Variants in PARD3B observed in about 807,000 individuals in gnomAD.
PARD3B encodes the protein partitioning defective 3 homolog B.
In PARD3B, 103 loss-of-function variants were observed where a neutral mutation model predicts 130.2. The observed-to-expected ratio is 0.79, with a 90% CI of 0.67 to 0.93. PARD3B has a LOEUF of 0.93. Ranked by LOEUF, PARD3B falls within the 40% of genes least tolerant of loss-of-function variation. The pLI is 0.00. For missense variants in PARD3B, 1,609 were observed against 1,499.2 expected (o/e 1.07, Z -1.21); for synonymous variants, 583 against 553.2 (o/e 1.05, Z -0.76).
intron 1 of PARD3B, among the ~76,000 whole-genome samples, chr2:204,599,305 T>G (rs2033417323): frequency 6.6e-6 from 1 of 152,060 alleles, no homozygotes; most frequent in East Asian, 1.9e-4. Flanking sequence ...TAGCTATTAT[T>G]TTGCATCCCT....
At chr2:205,508,454 C>G (rs1247766602) in intron 21 of PARD3B, among the ~76,000 whole-genome samples, 1 of 151,976 alleles carries the variant, frequency 6.6e-6, no homozygotes, top group Non-Finnish European at 1.5e-5. Context: ...CATCTGTGGT[C>G]CCAGCTACAT....
At chr2:204,771,075 A>T (rs1461862258) in intron 2 of PARD3B, among the ~76,000 whole-genome samples, 1 of 152,080 alleles carries the variant, frequency 6.6e-6, no homozygotes, top group East Asian at 1.9e-4. Flanking sequence ...AATAGCCTAG[A>T]CCCTCTTAAA....
In PARD3B at chr2:205,142,042, T is replaced by G. The variant is rs2033000639; in HGVS notation, c.1434+16305T>G. Among the ~76,000 whole-genome samples the G allele has an allele frequency of 6.6e-6, 1 of 152,222 alleles. No homozygotes were observed. The highest frequency in any genetic ancestry group is 2.4e-5 in the African/African-American group (1 of 41,470). ...ATAAACATAAAAATGGAGTGGTCTCTGTTGCCCTTAAAGTCCTTAAAGATG... is the reference window on the plus strand; with the variant it reads ...ATAAACATAAAAATGGAGTGGTCTCGGTTGCCCTTAAAGTCCTTAAAGATG... On this transcript the variant is annotated intron_variant, in intron 10 of 22. Transcript: ENST00000406610. This position sits in a 1 kb window ranked among gnomAD's most constrained non-coding sequence, Gnocchi z 4.3.
intron 19 of PARD3B, among the ~76,000 whole-genome samples, chr2:205,437,269 G>A (rs768245918): frequency 1.3e-5 from 2 of 152,092 alleles, no homozygotes; most frequent in Non-Finnish European, 1.5e-5. Context: ...TTCAGGGAGG[G>A]AAGTAGAGTC....
chr2:204,871,553 A>G (rs1214680308), intron 2 of PARD3B, among the ~76,000 whole-genome samples: 1 of 152,154 alleles, frequency 6.6e-6, no homozygotes, highest in Non-Finnish European at 1.5e-5. Context: ...TTAAACTTGA[A>G]GTGCTAGAAA....
chr2:205,035,683 C>A (rs559562599), intron 3 of PARD3B, among the ~76,000 whole-genome samples: 67 of 150,556 alleles, frequency 4.5e-4, no homozygotes, highest in African/African-American at 1.6e-3. Context: ...AGATGACTGG[C>A]AATAGATTAT....
At chr2:205,013,751 G>C (rs1695908185) in intron 3 of PARD3B, among the ~76,000 whole-genome samples, 1 of 152,170 alleles carries the variant, frequency 6.6e-6, no homozygotes, top group South Asian at 2.1e-4. Context: ...CAGCGCTGGA[G>C]GTTGAAAACC....
intron 1 of PARD3B, among the ~76,000 whole-genome samples, chr2:204,630,773 CTGA>C (rs1287313415): frequency 2.0e-5 from 3 of 152,042 alleles, no homozygotes; most frequent in Non-Finnish European, 4.4e-5. Flanking sequence ...ATAATATTCT[CTGA>C]TGGTTGGTTG....
intron 20 of PARD3B, among the ~76,000 whole-genome samples, chr2:205,480,094 G>A (rs946075438): frequency 1.1e-4 from 16 of 151,964 alleles, no homozygotes; most frequent in Admixed American, 1.0e-3. Flanking sequence ...TAGTAGAGAT[G>A]GGGTTTCACC....
chr2:205,511,454 C>A (rs1376787139), intron 21 of PARD3B, among the ~76,000 whole-genome samples: 1 of 152,218 alleles, frequency 6.6e-6, no homozygotes, highest in Non-Finnish European at 1.5e-5. Flanking sequence ...AATAGGTTAA[C>A]TTCCCCCAAA....
At chr2:204,700,730 A>G (rs919571762) in intron 2 of PARD3B, among the ~76,000 whole-genome samples, 2 of 152,022 alleles carry the variant, frequency 1.3e-5, no homozygotes, top group Admixed American at 6.6e-5. Flanking sequence ...AGGCAGGACA[A>G]TTTTTATACA....
intron 20 of PARD3B, among the ~76,000 whole-genome samples, chr2:205,443,912 G>C (rs941112138): frequency 3.3e-5 from 5 of 152,278 alleles, no homozygotes; most frequent in Admixed American, 3.3e-4. Context: ...CGGGGTAAGG[G>C]GGAATCACTT....
rs2041658709 is a variant in PARD3B, at chr2:205,292,861, C to A, written c.2186-7669C>A. Among the ~76,000 whole-genome samples, 1 of 152,106 alleles carries A rather than the reference C, an allele frequency of 6.6e-6. No individual in the cohort carries two copies. The highest frequency in any genetic ancestry group is 1.5e-5 in the Non-Finnish European group (1 of 68,010). On this transcript the variant is annotated intron_variant, in intron 16 of 22. Transcript: ENST00000406610. This position sits in a 1 kb window ranked among gnomAD's most constrained non-coding sequence, Gnocchi z 5.3. ...ATTTATCTTCCATTCCTCTTAGGAC[C>A]AAGCACAGTTATGAGCCACAAAAAA...
chr2:204,589,206 G>T (rs2032969230), intron 1 of PARD3B, among the ~76,000 whole-genome samples: 1 of 152,142 alleles, frequency 6.6e-6, no homozygotes, highest in Non-Finnish European at 1.5e-5. Context: ...GTGATTAGGT[G>T]GCAAAGCATA....
intron 15 of PARD3B, among the ~76,000 whole-genome samples, chr2:205,202,970 T>C (rs1248593885): frequency 1.3e-5 from 2 of 152,116 alleles, no homozygotes; most frequent in African/African-American, 2.4e-5. Flanking sequence ...CTTAAGTCAA[T>C]AATGGGGCCA....
chr2:204,914,811 C>CT (rs1203133714), intron 2 of PARD3B, among the ~76,000 whole-genome samples: 1 of 152,120 alleles, frequency 6.6e-6, no homozygotes, highest in Non-Finnish European at 1.5e-5. Context: ...GAGTGGCCCA[C>CT]GCGGTGGTGC....
rs2052611980 is a variant in PARD3B at position 205,550,966 on chromosome 2, T to TATAC, written c.3181-2355_3181-2354insCATA. Among the ~76,000 whole-genome samples, 1 of 105,926 alleles carries TATAC rather than the reference T, an allele frequency of 9.4e-6. No homozygotes were observed. Among genetic ancestry groups the TATAC allele is most frequent in the Non-Finnish European group, 2.1e-5 (1 of 47,618 alleles). The allele number at this position is 105,926 out of a possible 152,430, so 69.5% of individuals were successfully genotyped here. A position where few individuals can be genotyped will look rare whatever the true frequency, so the allele number is the denominator to read the frequency against. On this transcript the variant is annotated intron_variant, in intron 21 of 22. Coordinates refer to ENST00000406610, the MANE Select transcript of PARD3B (RefSeq NM_001302769.2). The surrounding 1 kb of genome is among the most constrained non-coding windows in gnomAD (Gnocchi z 4.5). ...GTATATATATATGTGTATATATATA[T>TATAC]ATATATATATACACACACACACACA...
chr2:205,382,991 T>C (rs940308907), intron 18 of PARD3B, among the ~76,000 whole-genome samples: 1 of 151,972 alleles, frequency 6.6e-6, no homozygotes, highest in African/African-American at 2.4e-5. Flanking sequence ...GGCTCCTTTA[T>C]TGTAGAAACC....
At chr2:204,561,121 A>G (rs569636397) in intron 1 of PARD3B, among the ~76,000 whole-genome samples, 261 of 152,168 alleles carry the variant, frequency 1.7e-3, no homozygotes, top group African/African-American at 6.1e-3. Flanking sequence ...AGAACAGATG[A>G]AAGGGTTGGT....
Sources: gnomAD v4.1 joint callset for allele counts (sites outside exome capture counted in the v4.1 genomes callset) on GRCh38, gnomAD v4.1.1 for gene constraint, Gnocchi (gnomAD v3.1) non-coding constraint, MANE v1.5 for transcripts, NCBI Gene and HGNC (gene_info 2026-07-23, HGNC 2026-07-21) for gene names.